SLC9A9: variants seen among roughly 807,000 people sequenced by gnomAD.
The protein encoded by SLC9A9 is sodium/hydrogen exchanger 9.
A neutral mutation model predicts 77.8 loss-of-function variants in SLC9A9; 62 were observed. That is an observed-to-expected ratio of 0.80 (90% CI 0.65 to 0.98). The LOEUF (loss-of-function observed/expected upper bound fraction) is 0.98. Ranked by LOEUF, SLC9A9 falls within the 50% of genes least tolerant of loss-of-function variation. SLC9A9 has a pLI of 0.00. For missense variants in SLC9A9, 775 were observed against 774.9 expected (o/e 1.00, Z 0.00); for synonymous variants, 320 against 283.5 (o/e 1.13, Z -1.29).
chr3:143,351,620 T>C (rs747325664), intron 14 of SLC9A9, among the ~76,000 whole-genome samples: 5 of 152,056 alleles, frequency 3.3e-5, no homozygotes, highest in Non-Finnish European at 5.9e-5. Flanking sequence ...AAGCCAAAGA[T>C]TGAGGTGGGG....
At chr3:143,627,518 C>T in intron 6 of SLC9A9, 1 of 288,106 alleles carries the variant, frequency 3.5e-6, no homozygotes, top group Non-Finnish European at 6.8e-6. Context: ...CAGTATGCCA[C>T]ATGCAGAGGC....
intron 12 of SLC9A9, among the ~76,000 whole-genome samples, chr3:143,400,058 G>T (rs1359372902): frequency 2.0e-5 from 3 of 152,232 alleles, no homozygotes; most frequent in African/African-American, 7.2e-5. Context: ...GAAAAACGCT[G>T]TTAATTATAT....
chr3:143,549,249 G>C (rs2036840428), intron 9 of SLC9A9, among the ~76,000 whole-genome samples: 1 of 152,188 alleles, frequency 6.6e-6, no homozygotes, highest in Admixed American at 6.5e-5. Context: ...AGAGCCTGTA[G>C]TGTGGCTAAG....
intron 4 of SLC9A9, among the ~76,000 whole-genome samples, chr3:143,720,772 C>T (rs1208717205): frequency 1.3e-5 from 2 of 152,234 alleles, no homozygotes; most frequent in Non-Finnish European, 2.9e-5. Context: ...GGACAGAGTG[C>T]TGGAAAGTGC....
chr3:143,844,970 A>T (rs4839673), intron 1 of SLC9A9, among the ~76,000 whole-genome samples: 144,089 of 152,012 alleles, frequency 0.95, 68,462 homozygotes, highest in East Asian at 1. Flanking sequence ...AAAGGGGGAT[A>T]GTACAATGTG....
chr3:143,608,922 GT>G (rs1576607899), intron 6 of SLC9A9, among the ~76,000 whole-genome samples: 1 of 152,090 alleles, frequency 6.6e-6, no homozygotes. Flanking sequence ...ATGAGTGCTA[GT>G]TTTTTTCTGT....
intron 14 of SLC9A9, among the ~76,000 whole-genome samples, chr3:143,300,503 T>A (rs755458653): frequency 1.3e-5 from 2 of 152,238 alleles, no homozygotes; most frequent in Non-Finnish European, 2.9e-5. Context: ...TGCATTCAGA[T>A]GCCTGGGGAT....
intron 6 of SLC9A9, among the ~76,000 whole-genome samples, chr3:143,645,801 C>T (rs569251494): frequency 4.3e-4 from 65 of 151,458 alleles, no homozygotes; most frequent in African/African-American, 7.0e-4. Context: ...TTGATGACAT[C>T]GAATTTCCTT....
chr3:143,815,941 A>T (rs917402187), intron 2 of SLC9A9, among the ~76,000 whole-genome samples: 1 of 152,214 alleles, frequency 6.6e-6, no homozygotes, highest in Non-Finnish European at 1.5e-5. Flanking sequence ...AGAGATCGAG[A>T]GACATGTGCA....
At chr3:143,567,321 C>T (rs17580519) in intron 8 of SLC9A9, among the ~76,000 whole-genome samples, 29,561 of 152,032 alleles carry the variant, frequency 0.19, 2,899 homozygotes, top group Non-Finnish European at 0.22. Context: ...ACACATGCCT[C>T]GGTGGCTGAT....
At chr3:143,292,471 C>T (rs1211841949) in intron 14 of SLC9A9, among the ~76,000 whole-genome samples, 3 of 152,112 alleles carry the variant, frequency 2.0e-5, no homozygotes, top group Non-Finnish European at 2.9e-5. Flanking sequence ...CCAAATCGGC[C>T]TAGATTCAGA....
chr3:143,366,512 T>C (rs180995214), intron 13 of SLC9A9, among the ~76,000 whole-genome samples: 7 of 152,330 alleles, frequency 4.6e-5, no homozygotes, highest in Non-Finnish European at 8.8e-5. Context: ...CGTAACTTCA[T>C]TGGGCTGCAG....
chr3:143,432,673 G>T (rs991930522), intron 12 of SLC9A9, among the ~76,000 whole-genome samples: 3 of 152,166 alleles, frequency 2.0e-5, no homozygotes, highest in Non-Finnish European at 4.4e-5. Context: ...CTGTTGCCAG[G>T]CTGGAGTGCA....
At chr3:143,685,729 A>T (rs1933242431) in intron 5 of SLC9A9, among the ~76,000 whole-genome samples, 1 of 152,174 alleles carries the variant, frequency 6.6e-6, no homozygotes, top group Non-Finnish European at 1.5e-5. Context: ...TTAATACTTG[A>T]TGCAATGTGC....
At chr3:143,446,445 C>T (rs1402458169) in intron 12 of SLC9A9, among the ~76,000 whole-genome samples, 1 of 152,064 alleles carries the variant, frequency 6.6e-6, no homozygotes, top group Admixed American at 6.6e-5. Flanking sequence ...GAACCTGTTG[C>T]TCAGCAGAGT....
chr3:143,781,855 AG>A (rs1349279129), intron 4 of SLC9A9, among the ~76,000 whole-genome samples: 1 of 152,212 alleles, frequency 6.6e-6, no homozygotes, highest in Non-Finnish European at 1.5e-5. Flanking sequence ...AGTAGGAATG[AG>A]TAAGTAAGGG....
intron 14 of SLC9A9, among the ~76,000 whole-genome samples, chr3:143,322,015 G>A (rs1304607944): frequency 6.6e-6 from 1 of 152,286 alleles, no homozygotes; most frequent in African/African-American, 2.4e-5. Flanking sequence ...GAAGCCACTT[G>A]GCCCTTCCAA....
rs550085164 is a variant in SLC9A9, at chr3:143,265,683, C to T, written c.*1019G>A. On this transcript the variant is annotated 3_prime_UTR_variant, in exon 16 of 16. Transcript: ENST00000316549. The stretch of plus-strand genomic sequence containing the variant: ...TCTCTGGAATGCAGGCCATGAGCCA[C>T]GCCTTGTAAGGGGGAGACCTGAGGC... 4.7e-5 allele frequency: 19 copies of T among 406,644 alleles called. No homozygotes were observed. The highest frequency in any genetic ancestry group is 1.2e-4 in the South Asian group (1 of 8,434). 25.2% of individuals were successfully genotyped at this position (406,644 alleles called of 1,614,324 possible). A position where few individuals can be genotyped will look rare whatever the true frequency, so the allele number is the denominator to read the frequency against.
chr3:143,304,333 G>C lies in SLC9A9; in HGVS notation c.1605-35353C>G, dbSNP rs141620663. 4.3e-3 allele frequency among the ~76,000 whole-genome samples: 655 copies of C among 152,294 alleles called. 5 individuals are homozygous for C. Among genetic ancestry groups the C allele is most frequent in the South Asian group, 8.1e-3 (39 of 4,826 alleles). On this transcript the variant is annotated intron_variant, in intron 14 of 15. Transcript: ENST00000316549. The stretch of plus-strand genomic sequence containing the variant: ...TCTGAGCCATCCAAGAAACACCCAC[G>C]TTAATGGCTGTGCCTAGGAGGCGCA...
Sources: allele counts gnomAD v4.1 joint callset (sites outside exome capture counted in the v4.1 genomes callset), GRCh38; gene constraint gnomAD v4.1.1; transcripts MANE v1.5; gene names NCBI Gene and HGNC (gene_info 2026-07-23, HGNC 2026-07-21).